Variants in CA10 observed in about 807,000 individuals in gnomAD.
CA10 encodes carbonic anhydrase 10 (inactive).
Under a neutral mutation model 44.2 loss-of-function variants are expected in CA10, and 14 were observed. The observed-to-expected ratio is 0.32, with a 90% CI of 0.21 to 0.50. The LOEUF is 0.50. Ranked by LOEUF, CA10 falls within the 20% of genes least tolerant of loss-of-function variation. The pLI is 0.99. For synonymous variants in CA10, 159 were observed against 141.6 expected, an observed-to-expected ratio of 1.12 and a Z score of -0.87; for missense variants, 350 against 409.7, an observed-to-expected ratio of 0.85 and a Z score of 1.26.
chr17:51,654,663 T>C (rs1196716268), intron 4 of CA10, among the ~76,000 whole-genome samples: 2 of 152,102 alleles, frequency 1.3e-5, no homozygotes, highest in Non-Finnish European at 2.9e-5. Flanking sequence ...TTCAAGTGAT[T>C]GTCCTGCCTC....
chr17:51,800,790 T>A (rs2143716844), intron 3 of CA10, among the ~76,000 whole-genome samples: 1 of 152,368 alleles, frequency 6.6e-6, no homozygotes, highest in Admixed American at 6.5e-5. Flanking sequence ...AAGTTAAATC[T>A]ATTCAACTGA....
chr17:51,753,076 CCTG>C (rs1460361704), intron 3 of CA10, among the ~76,000 whole-genome samples: 6 of 152,126 alleles, frequency 3.9e-5, no homozygotes, highest in African/African-American at 1.4e-4. Context: ...TGGATGCTAG[CCTG>C]CTGAAGTTCA....
intron 2 of CA10, among the ~76,000 whole-genome samples, chr17:52,030,406 C>G (rs1357122235): frequency 1.3e-5 from 2 of 151,830 alleles, no homozygotes; most frequent in Non-Finnish European, 2.9e-5. Context: ...GGAGGTGGGA[C>G]AGGGATGTTC....
At chr17:51,917,386 A>C (rs963608068) in intron 3 of CA10, among the ~76,000 whole-genome samples, 1 of 106,670 alleles carries the variant, frequency 9.4e-6, no homozygotes, top group African/African-American at 2.6e-5. Context: ...CTAGGAGTGC[A>C]TGGCAGGATG....
chr17:51,706,603 C>T (rs946902835), intron 4 of CA10, among the ~76,000 whole-genome samples: 2 of 152,168 alleles, frequency 1.3e-5, no homozygotes, highest in African/African-American at 4.8e-5. Flanking sequence ...CCAGAAAAAA[C>T]CTGCTAAAAG....
At chr17:51,711,022 T>C (rs546982053) in intron 4 of CA10, among the ~76,000 whole-genome samples, 87 of 143,738 alleles carry the variant, frequency 6.1e-4, no homozygotes, top group African/African-American at 2.1e-3. Context: ...AATCAACACC[T>C]CTAGAAGTTT....
At chr17:51,802,605 C>T (rs893733778) in intron 3 of CA10, among the ~76,000 whole-genome samples, 19 of 150,930 alleles carry the variant, frequency 1.3e-4, no homozygotes, top group African/African-American at 4.4e-4. Flanking sequence ...GAAGCACTCC[C>T]TACATTTGAG....
intron 2 of CA10, among the ~76,000 whole-genome samples, chr17:52,044,849 A>G (rs1421579838): frequency 1.3e-5 from 2 of 151,090 alleles, no homozygotes; most frequent in African/African-American, 4.8e-5. Context: ...GCAATCTAAG[A>G]TATGTATAAC....
chr17:51,842,673 T>C (rs1020613138), intron 3 of CA10, among the ~76,000 whole-genome samples: 2 of 152,214 alleles, frequency 1.3e-5, no homozygotes, highest in Admixed American at 6.5e-5. Flanking sequence ...CAGAGAAATA[T>C]GTATAACTGA....
At position 51,757,859 on chromosome 17, in the gene CA10, CT is replaced by C. The variant is rs113720323; in HGVS notation, c.280-10042del. Among the ~76,000 whole-genome samples, 189 of 148,702 alleles carry C rather than the reference CT, an allele frequency of 1.3e-3. 1 individual carries two copies. The highest frequency in any genetic ancestry group is 4.3e-3 in the African/African-American group (173 of 40,624). The stretch of plus-strand genomic sequence containing the variant: ...AGGGTGTGGAGCTTTAGGAGTAGGC[CT>C]TTTTTTTTTCTTTTGCAATGCATCT... On this transcript the variant is annotated intron_variant, in intron 3 of 8. Transcript: ENST00000451037.
intron 4 of CA10, among the ~76,000 whole-genome samples, chr17:51,732,784 G>T (rs1291750891): frequency 6.6e-6 from 1 of 152,142 alleles, no homozygotes; most frequent in South Asian, 2.1e-4. Flanking sequence ...AAGGTCTTGC[G>T]CCAAAGGAAC....
Position 51,820,306 on chromosome 17 carries a change from T to TA in CA10, c.280-72489_280-72488insT, listed in dbSNP as rs199942725. ...TGCATGTACAGTGAACCTCCCCAAC[T>TA]GACACACAGTGGGTATTCAGTCAAT... On this transcript the variant is annotated intron_variant, in intron 3 of 8. Coordinates refer to ENST00000451037, the MANE Select transcript of CA10 (RefSeq NM_020178.5). Among the ~76,000 whole-genome samples the TA allele has an allele frequency of 5.0e-3, 743 of 147,488 alleles. 4 individuals carry two copies. The highest frequency in any genetic ancestry group is 0.018 in the African/African-American group (698 of 39,810).
At chr17:51,970,419 A>G (rs1324115853) in intron 2 of CA10, among the ~76,000 whole-genome samples, 2 of 152,128 alleles carry the variant, frequency 1.3e-5, no homozygotes, top group Admixed American at 6.6e-5. Flanking sequence ...TGAGGAATAA[A>G]AAGAGAATGG....
At chr17:51,970,065 A>G (rs1984226049) in intron 2 of CA10, among the ~76,000 whole-genome samples, 1 of 151,962 alleles carries the variant, frequency 6.6e-6, no homozygotes, top group Non-Finnish European at 1.5e-5. Context: ...TGGAACGCAC[A>G]CCTCAGGCCA....
At chr17:51,780,495 A>G (rs28394199) in intron 3 of CA10, among the ~76,000 whole-genome samples, 1 of 152,234 alleles carries the variant, frequency 6.6e-6, no homozygotes, top group South Asian at 2.1e-4. Context: ...AGAAGCAGGG[A>G]AATCAGCAAG....
chr17:51,774,643 C>T (rs1033980681), intron 3 of CA10, among the ~76,000 whole-genome samples: 6 of 151,982 alleles, frequency 3.9e-5, no homozygotes, highest in East Asian at 1.9e-4. Flanking sequence ...GGGGTTTCAC[C>T]GTGTTGCCTA....
intron 6 of CA10, among the ~76,000 whole-genome samples, chr17:51,640,971 A>G (rs1913055244): frequency 6.6e-6 from 1 of 152,110 alleles, no homozygotes; most frequent in South Asian, 2.1e-4. Flanking sequence ...TTGTTTGTGA[A>G]CAAAGATGCA....
At chr17:51,660,201 G>A (rs1597968580) in intron 4 of CA10, among the ~76,000 whole-genome samples, 1 of 152,188 alleles carries the variant, frequency 6.6e-6, no homozygotes, top group Non-Finnish European at 1.5e-5. Flanking sequence ...AAATTGTATT[G>A]GAAGGCAGGA....
intron 3 of CA10, among the ~76,000 whole-genome samples, chr17:51,831,873 G>C (rs1211590151): frequency 6.6e-6 from 1 of 152,106 alleles, no homozygotes; most frequent in African/African-American, 2.4e-5. Context: ...AGGGGGCAAA[G>C]ACATTCAGAT....
Sources: gnomAD v4.1 joint callset for allele counts (sites outside exome capture counted in the v4.1 genomes callset) on GRCh38, gnomAD v4.1.1 for gene constraint, MANE v1.5 for transcripts, NCBI Gene and HGNC (gene_info 2026-07-23, HGNC 2026-07-21) for gene names.